The following FXYD6 variants were observed in gnomAD, a reference collection of about 807,000 sequenced individuals.
FXYD6 encodes FXYD domain-containing ion transport regulator 6.
In FXYD6, 7 loss-of-function variants were observed where a neutral mutation model predicts 16.7. That is an observed-to-expected ratio of 0.42 (90% CI 0.24 to 0.79). FXYD6 has a LOEUF of 0.79. FXYD6 is among the 30% of genes least tolerant of loss of function. FXYD6 has a pLI of 0.28. For synonymous variants in FXYD6, 49 were observed against 43.0 expected (o/e 1.14, Z -0.54); for missense variants, 111 against 116.2 (o/e 0.95, Z 0.21).
chr11:117,863,951 T>A (rs1373353630), intron 1 of FXYD6, among the ~76,000 whole-genome samples: 6 of 152,124 alleles, frequency 3.9e-5, no homozygotes, highest in Non-Finnish European at 7.3e-5. Flanking sequence ...TTAAAGAAGA[T>A]GTAAATAAAC....
chr11:117,862,522 C>G (rs2056929740), intron 1 of FXYD6, among the ~76,000 whole-genome samples: 1 of 152,232 alleles, frequency 6.6e-6, no homozygotes. Flanking sequence ...CCAGAAGACA[C>G]AGTGTCTCTG....
chr11:117,868,360 G>A (rs545115799), intron 1 of FXYD6, among the ~76,000 whole-genome samples: 58 of 152,296 alleles, frequency 3.8e-4, no homozygotes, highest in Middle Eastern at 3.4e-3. Context: ...TATCGTCTTG[G>A]TGTGATGTGA....
chr11:117,868,038 C>A (rs2057047211), intron 1 of FXYD6, among the ~76,000 whole-genome samples: 1 of 152,144 alleles, frequency 6.6e-6, no homozygotes, highest in Non-Finnish European at 1.5e-5. Context: ...CCACGTAGAC[C>A]CCTTTCTCCA....
At chr11:117,857,435 A>C (rs1324913231) in intron 1 of FXYD6, among the ~76,000 whole-genome samples, 1 of 133,832 alleles carries the variant, frequency 7.5e-6, no homozygotes, top group Admixed American at 7.9e-5. Flanking sequence ...TTTGAGAAGG[A>C]GTCTCGCTCT....
rs2056442512 is a variant in FXYD6, at chr11:117,845,128, TG to T, written c.-5-2348del. The stretch of plus-strand genomic sequence containing the variant: ...CATTTCATCCTCCCAAGAAGAAACT[TG>T]TATCCATCGGCAGTCACCCCCGACT... On this transcript the variant is annotated intron_variant, in intron 1 of 7. Transcript: ENST00000526014. Among the ~76,000 whole-genome samples, 2 of 152,216 alleles carry T rather than the reference TG, an allele frequency of 1.3e-5. 1 individual carries two copies. The highest frequency in any genetic ancestry group is 4.1e-4 in the South Asian group (2 of 4,832).
intron 1 of FXYD6, among the ~76,000 whole-genome samples, chr11:117,858,629 T>TTTTTTCTTTC (rs1407219525): frequency 4.7e-5 from 7 of 150,192 alleles, no homozygotes; most frequent in African/African-American, 1.2e-4. Context: ...CTTCATTTTC[T>TTTTTTCTTTC]TTTTTCTTTC....
At chr11:117,858,752 C>G (rs2056829916) in intron 1 of FXYD6, among the ~76,000 whole-genome samples, 1 of 131,240 alleles carries the variant, frequency 7.6e-6, no homozygotes, top group East Asian at 2.2e-4. Flanking sequence ...TTCCTTCCTT[C>G]CTTCCTTCCT....
Position 117,841,174 on chromosome 11 carries a change from G to A in FXYD6, c.183C>T (p.Cys61=). 6.2e-7 allele frequency: 1 copy of A among 1,614,130 alleles called. No individual in the cohort carries two copies. The stretch of plus-strand genomic sequence containing the variant: ...GGGGCTTCTGATTGAAACTGCACTT[G>A]CACCTGCGACCTGAAAAGCAAAGAA... The part of the protein sequence containing the change: ...VGILLILSRR[C]KCSFNQKPRA... The change falls in exon 5 of 8, where the codon TGC becomes TGT. Residue 61 remains cysteine (C), a synonymous_variant. Coordinates refer to ENST00000526014, the MANE Select transcript of FXYD6 (RefSeq NM_022003.4).
At chr11:117,860,220 C>A (rs2056873130) in intron 1 of FXYD6, among the ~76,000 whole-genome samples, 1 of 152,110 alleles carries the variant, frequency 6.6e-6, no homozygotes, top group Non-Finnish European at 1.5e-5. Flanking sequence ...CCTTGGGCCC[C>A]ACCTCACAGG....
At chr11:117,848,641 T>C (rs1052539039) in intron 1 of FXYD6, among the ~76,000 whole-genome samples, 15 of 152,232 alleles carry the variant, frequency 9.9e-5, no homozygotes, top group African/African-American at 3.6e-4. Context: ...AACTAACCTG[T>C]AAAATCATCC....
In FXYD6 at chr11:117,858,703, C is replaced by T. The variant is rs577254443; in HGVS notation, c.-5-15922G>A. On this transcript the variant is annotated intron_variant, in intron 1 of 7. Transcript: ENST00000526014. The stretch of plus-strand genomic sequence containing the variant: ...TCTTTCTTTCTTTCTTTCTTTCTTT[C>T]TCTCTCTCTCTCCTTCCTTCCCTTC... Among the ~76,000 whole-genome samples, 192 of 95,480 alleles carry T rather than the reference C, an allele frequency of 2.0e-3. 4 individuals are homozygous for T. Among genetic ancestry groups the T allele is most frequent in the African/African-American group, 6.8e-3 (186 of 27,526 alleles). The allele number at this position is 95,480 out of a possible 152,430, so 62.6% of individuals were successfully genotyped here.
chr11:117,839,745 G>A (rs373181666), intron 7 of FXYD6, 36 bp downstream of exon 7: 1 of 1,613,272 alleles, frequency 6.2e-7, no homozygotes, highest in African/African-American at 1.3e-5. Flanking sequence ...AGACGGTGAT[G>A]GCAACAGGGG....
chr11:117,838,107 G>A lies in FXYD6; in HGVS notation c.*192C>T. 2.9e-6 allele frequency: 2 copies of A among 693,906 alleles called. No homozygotes were observed. Among genetic ancestry groups the A allele is most frequent in the South Asian group, 3.0e-5 (2 of 67,154 alleles). 43.0% of individuals were successfully genotyped at this position (693,906 alleles called of 1,614,324 possible). A position where few individuals can be genotyped will look rare whatever the true frequency, so the allele number is the denominator to read the frequency against. On this transcript the variant is annotated 3_prime_UTR_variant, in exon 8 of 8. Coordinates refer to ENST00000526014, the MANE Select transcript of FXYD6 (RefSeq NM_022003.4). ...CAGGACCGCAGGCTGCAGTGGGGAG[G>A]CAAGTGTTAGTTGCATCATCAGGTG...
At chr11:117,855,606 G>A (rs1424753100) in intron 1 of FXYD6, among the ~76,000 whole-genome samples, 3 of 152,234 alleles carry the variant, frequency 2.0e-5, no homozygotes, top group Non-Finnish European at 4.4e-5. Flanking sequence ...CTGGGGTGGG[G>A]AGGGTAAGAG....
At chr11:117,848,919 C>T (rs1190211236) in intron 1 of FXYD6, among the ~76,000 whole-genome samples, 5 of 152,056 alleles carry the variant, frequency 3.3e-5, no homozygotes, top group African/African-American at 1.2e-4. Flanking sequence ...AAGAAACCAA[C>T]TCTTGGTTTC....
chr11:117,858,349 T>C (rs2056782948), intron 1 of FXYD6: 1 of 152,334 alleles, frequency 6.6e-6, no homozygotes, highest in Non-Finnish European at 1.5e-5. Flanking sequence ...GGGGGACGTA[T>C]GTCGAGCAGA....
rs1042547302 is a variant in FXYD6, at chr11:117,850,916, A to G, written c.-5-8135T>C. Among the ~76,000 whole-genome samples, 5 of 152,200 alleles carry G rather than the reference A, an allele frequency of 3.3e-5. 1 individual carries two copies. Among genetic ancestry groups the G allele is most frequent in the Admixed American group, 2.0e-4 (3 of 15,278 alleles). ...ATGTGTATTCAATGTAAAAAAGACC[A>G]AAAAAATTCAGAGTTAATACTTATA... On this transcript the variant is annotated intron_variant, in intron 1 of 7. Coordinates refer to ENST00000526014, the MANE Select transcript of FXYD6 (RefSeq NM_022003.4).
intron 1 of FXYD6, among the ~76,000 whole-genome samples, chr11:117,863,176 T>G (rs550332642): frequency 6.6e-5 from 10 of 152,326 alleles, no homozygotes; most frequent in African/African-American, 2.4e-4. Flanking sequence ...TCACTAATTC[T>G]GCTGGTGCCA....
chr11:117,850,752 C>T (rs1591564692), intron 1 of FXYD6, among the ~76,000 whole-genome samples: 1 of 151,304 alleles, frequency 6.6e-6, no homozygotes, highest in East Asian at 1.9e-4. Flanking sequence ...CTTGGCCTCC[C>T]AAAGTGCTGG....
Sources: allele counts gnomAD v4.1 joint callset (sites outside exome capture counted in the v4.1 genomes callset), GRCh38; gene constraint gnomAD v4.1.1; transcripts MANE v1.5; gene names NCBI Gene and HGNC (gene_info 2026-07-23, HGNC 2026-07-21).